The following SLIT3 variants were observed in gnomAD, a reference collection of about 807,000 sequenced individuals.
The protein encoded by SLIT3 is slit homolog 3 protein.
Under a neutral mutation model 184.0 loss-of-function variants are expected in SLIT3, and 68 were observed. The ratio of observed to expected loss-of-function variants is 0.37; its 90% confidence interval spans 0.30 to 0.45. The LOEUF is 0.45. SLIT3 is among the 20% of genes least tolerant of loss of function. The pLI, the probability that SLIT3 is intolerant of heterozygous loss-of-function variation, is 1.00. For synonymous variants in SLIT3, 831 were observed against 828.6 expected (o/e 1.00, Z -0.05); for missense variants, 1,707 against 2,026.0 (o/e 0.84, Z 3.02).
chr5:168,679,130 C>T (rs1028480717), intron 32 of SLIT3, among the ~76,000 whole-genome samples: 4 of 152,220 alleles, frequency 2.6e-5, no homozygotes, highest in African/African-American at 7.2e-5. Context: ...GCAATCACAG[C>T]TCACTGCAGC....
chr5:168,816,011 C>G (rs1757324252), intron 8 of SLIT3, among the ~76,000 whole-genome samples: 1 of 152,156 alleles, frequency 6.6e-6, no homozygotes, highest in Non-Finnish European at 1.5e-5. Context: ...AATCAAAATA[C>G]CTCTTTGGGA....
At chr5:168,960,194 T>C (rs1215527630) in intron 4 of SLIT3, among the ~76,000 whole-genome samples, 2 of 152,214 alleles carry the variant, frequency 1.3e-5, no homozygotes, top group African/African-American at 4.8e-5. Context: ...CCTCTGTACC[T>C]ATGGTACCTG....
At chr5:168,857,060 C>G (rs1410601883) in intron 5 of SLIT3, among the ~76,000 whole-genome samples, 1 of 151,968 alleles carries the variant, frequency 6.6e-6, no homozygotes, top group Non-Finnish European at 1.5e-5. Context: ...CGGGAGCAGC[C>G]AAGTCAGTCT....
At chr5:169,195,450 T>G (rs1368755491) in intron 3 of SLIT3, among the ~76,000 whole-genome samples, 1 of 152,180 alleles carries the variant, frequency 6.6e-6, no homozygotes, top group African/African-American at 2.4e-5. Flanking sequence ...AGACTCCTGA[T>G]GAGGAGGAGG....
At chr5:168,830,842 A>T (rs1561956364) in intron 6 of SLIT3, among the ~76,000 whole-genome samples, 14 of 152,226 alleles carry the variant, frequency 9.2e-5, no homozygotes, top group Admixed American at 8.5e-4. Context: ...CTTCAGACAG[A>T]CAGATGTCAC....
chr5:169,087,492 C>T (rs1052388416), intron 4 of SLIT3, among the ~76,000 whole-genome samples: 9 of 152,186 alleles, frequency 5.9e-5, no homozygotes, highest in Admixed American at 2.6e-4. Flanking sequence ...CACCCCTGGC[C>T]TCTGCACATT....
intron 4 of SLIT3, among the ~76,000 whole-genome samples, chr5:169,168,464 A>G (rs1404252089): frequency 2.0e-5 from 3 of 152,212 alleles, no homozygotes; most frequent in African/African-American, 7.2e-5. Flanking sequence ...CACTAGTCAG[A>G]TGATAAAAAT....
chr5:168,908,432 T>C (rs1178482894), intron 4 of SLIT3, among the ~76,000 whole-genome samples: 1 of 152,064 alleles, frequency 6.6e-6, no homozygotes, highest in Non-Finnish European at 1.5e-5. Context: ...CCTGTGGGAA[T>C]GAATTGTGAT....
chr5:168,774,231 TCA>T lies in SLIT3; in HGVS notation c.1295+2_1295+3del. On this transcript the variant is annotated splice_donor_variant and splice_donor_region_variant and intron_variant, in intron 13 of 35. Transcript: ENST00000519560. LOFTEE classifies it high-confidence loss of function. ...CCCACTGGCACCCGAGGCAGTGTAC[TCA>T]CAGTGTCTGGATGGACTGCAGAGGG... 1 of 1,603,052 alleles carries T rather than the reference TCA, an allele frequency of 6.2e-7. No individual in the cohort carries two copies.
At chr5:168,765,584 T>C (rs752111073) in intron 14 of SLIT3, among the ~76,000 whole-genome samples, 2 of 152,264 alleles carry the variant, frequency 1.3e-5, no homozygotes, top group South Asian at 2.1e-4. Context: ...CCATTTGTTA[T>C]GCCTAATGCT....
At chr5:168,969,902 C>T (rs1289374815) in intron 4 of SLIT3, among the ~76,000 whole-genome samples, 12 of 152,250 alleles carry the variant, frequency 7.9e-5, no homozygotes, top group African/African-American at 2.9e-4. Flanking sequence ...AAAGACAAGG[C>T]TGGGCGCAGT....
intron 4 of SLIT3, among the ~76,000 whole-genome samples, chr5:169,000,361 C>T (rs563638380): frequency 3.5e-4 from 46 of 130,354 alleles, no homozygotes; most frequent in African/African-American, 1.3e-3. Context: ...CACTGCACTC[C>T]AGCCTGGGTG....
chr5:168,932,359 CA>C (rs1391478040), intron 4 of SLIT3, among the ~76,000 whole-genome samples: 50 of 145,610 alleles, frequency 3.4e-4, no homozygotes, highest in African/African-American at 1.2e-3. Context: ...CACACACACA[CA>C]CACACACACA....
chr5:168,760,996 C>A (rs1048186217), intron 15 of SLIT3, 60 bp from the exon 16 acceptor site: 2 of 1,289,678 alleles, frequency 1.6e-6, no homozygotes, highest in Non-Finnish European at 2.3e-6. Flanking sequence ...CCTTCCACCC[C>A]CCATGGCTTT....
chr5:168,738,959 C>T (rs1392512545), intron 20 of SLIT3, among the ~76,000 whole-genome samples: 1 of 110,806 alleles, frequency 9.0e-6, no homozygotes, highest in Non-Finnish European at 1.9e-5. Context: ...AAAAAAAAAG[C>T]AGCTCACAGT....
intron 3 of SLIT3, among the ~76,000 whole-genome samples, chr5:169,218,005 A>C (rs59308124): frequency 6.6e-6 from 1 of 152,102 alleles, no homozygotes; most frequent in South Asian, 2.1e-4. Flanking sequence ...CCCAAACTTG[A>C]AATTTAATTC....
intron 5 of SLIT3, among the ~76,000 whole-genome samples, chr5:168,861,382 G>A (rs1203978091): frequency 1.3e-5 from 2 of 151,580 alleles, no homozygotes; most frequent in African/African-American, 4.9e-5. Context: ...AATTCCATGC[G>A]TGTCCGTCCC....
At chr5:169,140,810 A>C (rs1400673875) in intron 4 of SLIT3, among the ~76,000 whole-genome samples, 1 of 152,190 alleles carries the variant, frequency 6.6e-6, no homozygotes, top group Admixed American at 6.5e-5. Flanking sequence ...TCAAAAAAGA[A>C]TAATGCAGGC....
intron 4 of SLIT3, among the ~76,000 whole-genome samples, chr5:169,110,856 C>T (rs963021699): frequency 2.6e-5 from 4 of 152,192 alleles, no homozygotes; most frequent in Non-Finnish European, 4.4e-5. Context: ...ATAATTATTT[C>T]ATAGTTCAGA....
Sources: allele counts gnomAD v4.1 joint callset (sites outside exome capture counted in the v4.1 genomes callset), GRCh38; gene constraint gnomAD v4.1.1; transcripts MANE v1.5; gene names NCBI Gene and HGNC (gene_info 2026-07-23, HGNC 2026-07-21).